Variants in BLVRA observed in about 807,000 individuals in gnomAD.
BLVRA encodes the protein BVR A.
In BLVRA, 22 loss-of-function variants were observed where a neutral mutation model predicts 32.8. The observed-to-expected ratio is 0.67, with a 90% confidence interval of 0.48 to 0.96. The LOEUF (loss-of-function observed/expected upper bound fraction) is 0.96, where lower values mean the gene tolerates loss of function less well. Among genes scored for constraint, BLVRA ranks in the 40% least tolerant of loss-of-function variants. The probability of loss-of-function intolerance (pLI) is 0.00; values close to 1 mark genes in which losing one functional copy is unlikely to be tolerated. For missense variants in BLVRA, 323 were observed against 358.1 expected (o/e 0.90, Z 0.79); for synonymous variants, 119 against 141.3 (o/e 0.84, Z 1.12).
At chr7:43,759,287 G>A (rs1306529792) in intron 1 of BLVRA, among the ~76,000 whole-genome samples, 5 of 152,246 alleles carry the variant, frequency 3.3e-5, no homozygotes, top group Non-Finnish European at 7.3e-5. Flanking sequence ...ACGGTGTGAG[G>A]GTTACATGAC....
Position 43,803,748 on chromosome 7 carries a change from C to A in BLVRA, c.533C>A (p.Ser178Tyr). The change falls in exon 7 of 8, where the codon TCC becomes TAC. Residue 178 changes from serine to tyrosine, a missense_variant. By Grantham distance (144) the Ser-to-Tyr change is moderately radical. Coordinates refer to ENST00000265523, the MANE Select transcript of BLVRA (RefSeq NM_000712.4). ...ATCTCTCGCCTGACCTGGCTGGTCTCCCTCTTTGGGGAGCTTTCTCTTGTG... is the reference window on the plus strand; with the variant it reads ...ATCTCTCGCCTGACCTGGCTGGTCTACCTCTTTGGGGAGCTTTCTCTTGTG... The part of the protein sequence containing the change: ...SGISRLTWLV[S>Y]LFGELSLVSA... 1 of 1,614,140 alleles carries A rather than the reference C, an allele frequency of 6.2e-7. No individual in the cohort carries two copies. The highest frequency in any genetic ancestry group is 1.1e-5 in the South Asian group (1 of 91,078).
chr7:43,794,595 C>G (rs559446125), intron 5 of BLVRA, among the ~76,000 whole-genome samples: 1 of 151,912 alleles, frequency 6.6e-6, no homozygotes, highest in East Asian at 1.9e-4. Flanking sequence ...ATTAGCTGGG[C>G]GTGGTGGCGC....
intron 2 of BLVRA, among the ~76,000 whole-genome samples, chr7:43,779,733 C>T (rs2095766529): frequency 6.6e-6 from 1 of 152,188 alleles, no homozygotes; most frequent in African/African-American, 2.4e-5. Context: ...TAAGCTTATA[C>T]ACCCTGGTCC....
chr7:43,781,551 G>A (rs1217467259), intron 2 of BLVRA, among the ~76,000 whole-genome samples: 2 of 152,134 alleles, frequency 1.3e-5, no homozygotes, highest in Non-Finnish European at 2.9e-5. Context: ...TGGCCAGGCT[G>A]GTCTTGAACT....
At position 43,767,658 on chromosome 7, in the gene BLVRA, G is replaced by T. The variant is rs975256933; in HGVS notation, c.-21-3480G>T. On this transcript the variant is annotated intron_variant, in intron 1 of 7. Transcript: ENST00000265523. ...TTTTTTAAAATGATAAATGCTGGAG[G>T]GGGGACATCTGATTTGAATAAAATT... 6 of 675,476 alleles carry T rather than the reference G, an allele frequency of 8.9e-6. No individual in the cohort carries two copies. In the African/African-American group the frequency reaches 1.1e-4, roughly 12 times the overall value. The allele number at this position is 675,476 out of a possible 1,614,324, so 41.8% of individuals were successfully genotyped here.
rs17246030 is a variant in BLVRA at position 43,800,584 on chromosome 7, G to A, written c.460+12G>A. On this transcript the variant is annotated intron_variant, in intron 6 of 7. Coordinates refer to ENST00000265523, the MANE Select transcript of BLVRA (RefSeq NM_000712.4). Reference sequence around the variant, plus strand: ...GCTCCTCTTCACAGGTCAGTGCTACGTGGGATCACAGGTCACATGTGAGGT... The same window carrying A: ...GCTCCTCTTCACAGGTCAGTGCTACATGGGATCACAGGTCACATGTGAGGT... The A allele has an allele frequency of 2.0e-3, 3,283 of 1,609,114 alleles. 65 individuals carry two copies. The African/African-American group carries it at 0.037, about 18-fold the overall frequency.
At chr7:43,763,594 C>T (rs1414265728) in intron 1 of BLVRA, among the ~76,000 whole-genome samples, 3 of 152,198 alleles carry the variant, frequency 2.0e-5, no homozygotes, top group East Asian at 1.9e-4. Flanking sequence ...ACTGCGCACC[C>T]GTGGGCCACT....
intron 2 of BLVRA, among the ~76,000 whole-genome samples, chr7:43,782,521 G>A (rs62461113): frequency 0.012 from 1,856 of 152,250 alleles, 18 homozygotes; most frequent in Non-Finnish European, 0.02. Flanking sequence ...TCCAGGGCGC[G>A]GTGGGAAAGC....
chr7:43,784,681 G>T (rs148199782), intron 2 of BLVRA, among the ~76,000 whole-genome samples: 49 of 135,610 alleles, frequency 3.6e-4, no homozygotes, highest in African/African-American at 1.3e-3. Flanking sequence ...TTGGCTCACC[G>T]CAACCCCTGC....
intron 1 of BLVRA, among the ~76,000 whole-genome samples, chr7:43,769,943 C>T (rs968763372): frequency 1.4e-4 from 22 of 152,198 alleles, no homozygotes; most frequent in African/African-American, 9.6e-5. Context: ...AAAGCCTACA[C>T]GATCACCCAT....
chr7:43,758,808 G>A (rs1379198896), intron 1 of BLVRA, 74 bp downstream of exon 1: 1 of 151,688 alleles, frequency 6.6e-6, no homozygotes, highest in Non-Finnish European at 1.5e-5. Context: ...AGAGCGCTAG[G>A]GCCTGAGCTC....
chr7:43,760,453 G>A (rs1451081995), intron 1 of BLVRA, among the ~76,000 whole-genome samples: 4 of 152,110 alleles, frequency 2.6e-5, no homozygotes, highest in Non-Finnish European at 5.9e-5. Context: ...GGAGCTGCGC[G>A]CATTTTCATT....
intron 5 of BLVRA, among the ~76,000 whole-genome samples, chr7:43,795,368 T>G (rs2095790632): frequency 6.6e-6 from 1 of 151,770 alleles, no homozygotes; most frequent in African/African-American, 2.4e-5. Flanking sequence ...ATACAAAAAT[T>G]AGCCAGGTGT....
At chr7:43,760,479 C>T (rs946377816) in intron 1 of BLVRA, among the ~76,000 whole-genome samples, 2 of 152,074 alleles carry the variant, frequency 1.3e-5, no homozygotes, top group Non-Finnish European at 2.9e-5. Context: ...TTCTCTTTGG[C>T]GTATCCAGGA....
intron 5 of BLVRA, among the ~76,000 whole-genome samples, chr7:43,798,822 T>G: frequency 6.6e-6 from 1 of 152,172 alleles, no homozygotes; most frequent in Non-Finnish European, 1.5e-5. Flanking sequence ...GTGGTTACCA[T>G]GTGTGTTTAT....
At chr7:43,803,283 T>C (rs529305102) in intron 6 of BLVRA, among the ~76,000 whole-genome samples, 1 of 145,278 alleles carries the variant, frequency 6.9e-6, no homozygotes, top group South Asian at 2.3e-4. Flanking sequence ...AAAGAGGATA[T>C]ATATATATGT....
At position 43,776,619 on chromosome 7, in the gene BLVRA, T is replaced by A. The variant is rs12673217; in HGVS notation, c.12+5449T>A. Among the ~76,000 whole-genome samples the A allele has an allele frequency of 6.1e-3, 934 of 152,320 alleles. 51 individuals carry two copies. The East Asian group carries it at 0.13, about 22-fold the overall frequency. Reference sequence around the variant, plus strand: ...GGTGCCGAAAAAAATGTATATTCTGTTGATTTGGGGTGGAGAGTTCTGTAG... The same window carrying A: ...GGTGCCGAAAAAAATGTATATTCTGATGATTTGGGGTGGAGAGTTCTGTAG... On this transcript the variant is annotated intron_variant, in intron 2 of 7. Coordinates refer to ENST00000265523, the MANE Select transcript of BLVRA (RefSeq NM_000712.4).
intron 2 of BLVRA, among the ~76,000 whole-genome samples, chr7:43,779,870 T>A (rs144323896): frequency 1.2e-4 from 18 of 151,564 alleles, no homozygotes; most frequent in Admixed American, 3.9e-4. Flanking sequence ...TATTTTATAT[T>A]TTTTTTCTTT....
Position 43,778,216 on chromosome 7 carries a change from G to A in BLVRA, c.12+7046G>A, listed in dbSNP as rs530789082. Among the ~76,000 whole-genome samples the A allele has an allele frequency of 2.2e-4, 33 of 152,290 alleles. No homozygotes were observed. In the South Asian group the frequency reaches 6.0e-3, roughly 28 times the overall value. ...TGCATTCCTTTGGAGGAGGAGAGGC[G>A]CTCTGCTTTTTAGAGTTTCCAGTTT... On this transcript the variant is annotated intron_variant, in intron 2 of 7. Transcript: ENST00000265523.
Sources: allele counts gnomAD v4.1 joint callset (sites outside exome capture counted in the v4.1 genomes callset), GRCh38; gene constraint gnomAD v4.1.1; transcripts MANE v1.5; gene names NCBI Gene and HGNC (gene_info 2026-07-23, HGNC 2026-07-21).